Variants in DENND1B observed in about 807,000 individuals in gnomAD.
DENND1B encodes DENN domain-containing protein 1B.
A neutral mutation model predicts 90.1 loss-of-function variants in DENND1B; 59 were observed. The observed-to-expected ratio is 0.65, with a 90% CI of 0.53 to 0.81. DENND1B has a LOEUF of 0.81. DENND1B is among the 40% of genes least tolerant of loss of function. DENND1B has a pLI of 0.00. For synonymous variants in DENND1B, 337 were observed against 324.6 expected (o/e 1.04, Z -0.41); for missense variants, 862 against 912.6 (o/e 0.94, Z 0.71).
At chr1:197,723,715 T>C (rs984890612) in intron 2 of DENND1B, among the ~76,000 whole-genome samples, 4 of 152,200 alleles carry the variant, frequency 2.6e-5, no homozygotes, top group Admixed American at 1.3e-4. Context: ...CCTAAAGCAA[T>C]AGCTTTTATT....
rs1661518225 is a variant in DENND1B at position 197,725,223 on chromosome 1, A to C, written c.83-10149T>G. Among the ~76,000 whole-genome samples, 3 of 152,150 alleles carry C rather than the reference A, an allele frequency of 2.0e-5. No homozygotes were observed. The South Asian group carries it at 6.2e-4, about 32-fold the overall frequency. On this transcript the variant is annotated intron_variant, in intron 2 of 22. Coordinates refer to ENST00000620048, the MANE Select transcript of DENND1B (RefSeq NM_001195215.2). ...ACCTTTCAAAGCATCCTAGAGAGAA[A>C]AGAGGTAAGTAGAAAACTACATACA...
rs535510589 is a variant in DENND1B, at chr1:197,767,667, T to G, written c.82+5201A>C. Among the ~76,000 whole-genome samples the G allele has an allele frequency of 8.5e-5, 13 of 152,278 alleles. 1 individual carries two copies. In the South Asian group the frequency reaches 2.5e-3, roughly 29 times the overall value. ...ATAGCCAGAACTATTAGATCAAAGA[T>G]TCACTAAATATGAAGATGCAAATCC... On this transcript the variant is annotated intron_variant, in intron 2 of 22. Coordinates refer to ENST00000620048, the MANE Select transcript of DENND1B (RefSeq NM_001195215.2).
At chr1:197,661,786 T>C (rs1019890937) in intron 5 of DENND1B, among the ~76,000 whole-genome samples, 3 of 152,064 alleles carry the variant, frequency 2.0e-5, no homozygotes, top group Non-Finnish European at 4.4e-5. Flanking sequence ...TTCTGAACTT[T>C]ATATTATTGT....
At chr1:197,681,368 C>G (rs1291475547) in intron 3 of DENND1B, among the ~76,000 whole-genome samples, 1 of 152,108 alleles carries the variant, frequency 6.6e-6, no homozygotes, top group Non-Finnish European at 1.5e-5. Flanking sequence ...CTTTGGACTA[C>G]TACATTAGCT....
intron 10 of DENND1B, among the ~76,000 whole-genome samples, chr1:197,641,311 C>A (rs948714299): frequency 6.6e-6 from 1 of 151,662 alleles, no homozygotes; most frequent in Non-Finnish European, 1.5e-5. Flanking sequence ...GGAGGAGGAG[C>A]TGGGGAGAAA....
At chr1:197,724,537 TGAA>T (rs914821210) in intron 2 of DENND1B, among the ~76,000 whole-genome samples, 4 of 152,116 alleles carry the variant, frequency 2.6e-5, no homozygotes, top group African/African-American at 7.2e-5. Flanking sequence ...AATGCCCTCT[TGAA>T]GAAGAAACAC....
At chr1:197,726,055 C>T (rs1420698958) in intron 2 of DENND1B, among the ~76,000 whole-genome samples, 1 of 151,732 alleles carries the variant, frequency 6.6e-6, no homozygotes, top group African/African-American at 2.4e-5. Context: ...CACACATACA[C>T]ATATATATAG....
chr1:197,539,956 T>C lies in DENND1B; in HGVS notation c.1515+8A>G. ...GTGGGGGAATGAAGGGTAAATAACCTTACTTACCTGAGCAAGCTTACGCTT... is the reference window on the plus strand; with the variant it reads ...GTGGGGGAATGAAGGGTAAATAACCCTACTTACCTGAGCAAGCTTACGCTT... On this transcript the variant is annotated splice_region_variant and intron_variant, in intron 20 of 22. Coordinates refer to ENST00000620048, the MANE Select transcript of DENND1B (RefSeq NM_001195215.2). 2 of 1,599,820 alleles carry C rather than the reference T, an allele frequency of 1.3e-6. No individual in the cohort carries two copies. The highest frequency in any genetic ancestry group is 1.7e-6 in the Non-Finnish European group (2 of 1,168,346).
chr1:197,684,919 C>A (rs1423798547), intron 3 of DENND1B, among the ~76,000 whole-genome samples: 1 of 152,026 alleles, frequency 6.6e-6, no homozygotes, highest in Non-Finnish European at 1.5e-5. Context: ...GAGTTCGAGA[C>A]CAGCCTGGGC....
intron 3 of DENND1B, among the ~76,000 whole-genome samples, chr1:197,686,089 C>T (rs970881565): frequency 6.6e-6 from 1 of 152,076 alleles, no homozygotes; most frequent in African/African-American, 2.4e-5. Flanking sequence ...GTCTAGTCTG[C>T]TTTGGCACAA....
chr1:197,701,739 G>A (rs997141649), intron 3 of DENND1B, among the ~76,000 whole-genome samples: 2 of 152,088 alleles, frequency 1.3e-5, no homozygotes, highest in Non-Finnish European at 2.9e-5. Context: ...TACTCTACGA[G>A]TAATTTTAAA....
At chr1:197,590,051 T>C (rs1675051077) in intron 14 of DENND1B, among the ~76,000 whole-genome samples, 1 of 152,218 alleles carries the variant, frequency 6.6e-6, no homozygotes, top group Admixed American at 6.5e-5. Flanking sequence ...GACCATTTCT[T>C]AGTTATTTAA....
rs145161367 is a variant in DENND1B at position 197,529,332 on chromosome 1, ATG to A, written c.1515+10630_1515+10631del. On this transcript the variant is annotated intron_variant, in intron 20 of 22. Coordinates refer to ENST00000620048, the MANE Select transcript of DENND1B (RefSeq NM_001195215.2). ...TATGTATATATATGTGTGTATATAT[ATG>A]TGTGTGTGTGTGTGTGCACGCGCGC... is the stretch of plus-strand genomic sequence containing the variant. 8.8e-3 allele frequency among the ~76,000 whole-genome samples: 1,256 copies of A among 143,376 alleles called. 6 individuals carry two copies. Among genetic ancestry groups the A allele is most frequent in the African/African-American group, 0.02 (758 of 37,676 alleles). 94.1% of individuals were successfully genotyped at this position (143,376 alleles called of 152,430 possible). A position where few individuals can be genotyped will look rare whatever the true frequency, so the allele number is the denominator to read the frequency against.
At chr1:197,569,563 TACACAC>T (rs4026518) in intron 15 of DENND1B, among the ~76,000 whole-genome samples, 112,207 of 148,072 alleles carry the variant, frequency 0.76, 42,475 homozygotes, top group Middle Eastern at 0.83. Context: ...AAATGTGGTA[TACACAC>T]ACACACACAC....
At chr1:197,698,850 G>A (rs1658724607) in intron 3 of DENND1B, among the ~76,000 whole-genome samples, 2 of 152,064 alleles carry the variant, frequency 1.3e-5, no homozygotes, top group South Asian at 4.1e-4. Flanking sequence ...ACACTCCCAG[G>A]ACTAAACCAC....
chr1:197,664,647 TAA>T (rs1654761032), intron 5 of DENND1B, among the ~76,000 whole-genome samples: 2 of 152,212 alleles, frequency 1.3e-5, no homozygotes, highest in South Asian at 4.1e-4. Flanking sequence ...AGGTAACCAC[TAA>T]AGTCTAAGCA....
chr1:197,780,705 T>C, the DENND1B span, among the ~76,000 whole-genome samples: 1 of 152,186 alleles, frequency 6.6e-6, no homozygotes, highest in Non-Finnish European at 1.5e-5. Context: ...CTTTTAAAAA[T>C]ACTTAATTCT....
At chr1:197,750,873 T>C (rs1653412771) in intron 2 of DENND1B, among the ~76,000 whole-genome samples, 1 of 152,084 alleles carries the variant, frequency 6.6e-6, no homozygotes, top group African/African-American at 2.4e-5. Context: ...GTTAAAATGG[T>C]TAGTTCATAA....
At chr1:197,567,962 T>C (rs779498331) in intron 15 of DENND1B, among the ~76,000 whole-genome samples, 1 of 137,208 alleles carries the variant, frequency 7.3e-6, no homozygotes, top group Non-Finnish European at 1.5e-5. Context: ...CATGAGGAAA[T>C]AGAAATAAAA....
Sources: allele counts gnomAD v4.1 joint callset (sites outside exome capture counted in the v4.1 genomes callset), GRCh38; gene constraint gnomAD v4.1.1; transcripts MANE v1.5; gene names NCBI Gene and HGNC (gene_info 2026-07-23, HGNC 2026-07-21).